Variants in NID2 observed in about 807,000 individuals in gnomAD.
The protein encoded by NID2 is nidogen 2, also known as nidogen-2.
In NID2, 83 loss-of-function variants were observed where a neutral mutation model predicts 145.4. The observed-to-expected ratio is 0.57, with a 90% CI of 0.48 to 0.69. The LOEUF (loss-of-function observed/expected upper bound fraction) is 0.69. Ranked by LOEUF, NID2 falls within the 30% of genes least tolerant of loss-of-function variation. The pLI is 0.00. For synonymous variants in NID2, 739 were observed against 701.3 expected, an observed-to-expected ratio of 1.05 and a Z score of -0.85; for missense variants, 1,807 against 1,765.7, an observed-to-expected ratio of 1.02 and a Z score of -0.42.
intron 18 of NID2, 161 bp from the exon 19 acceptor site, chr14:52,008,128 T>G (rs566619815): frequency 1.7e-6 from 1 of 591,760 alleles, no homozygotes; most frequent in Admixed American, 3.4e-5. Context: ...TTCTAGTGCA[T>G]AGAGTATAGC....
Position 52,019,288 on chromosome 14 carries a change from G to A in NID2, c.2801C>T (p.Thr934Ile). The change falls in exon 14 of 22, where the codon ACC becomes ATC. Residue 934 changes from threonine to isoleucine, a missense_variant. By Grantham distance (89) the Thr-to-Ile change is moderately conservative (BLOSUM62 -1). Transcript: ENST00000216286. ...TTGTTCACAGGGTGTCAGGCTTGAG[G>A]TGGAGTCTTCCAGGATCAAGGCAGA... ...GDGFQCIPDS[T>I]SSLTPCEQQQ... 2 of 1,584,228 alleles carry A rather than the reference G, an allele frequency of 1.3e-6. No homozygotes were observed.
At chr14:52,048,407 A>G (rs1013088574) in intron 5 of NID2, among the ~76,000 whole-genome samples, 1 of 152,164 alleles carries the variant, frequency 6.6e-6, no homozygotes, top group African/African-American at 2.4e-5. Context: ...TCAAATTTCT[A>G]TGGGAATTGC....
chr14:52,067,143 C>A (rs563493404), intron 2 of NID2, among the ~76,000 whole-genome samples: 1 of 152,282 alleles, frequency 6.6e-6, no homozygotes, highest in South Asian at 2.1e-4. Flanking sequence ...AAAAGTGATT[C>A]ACGCTATTAT....
chr14:52,049,641 A>G (rs1033310152), intron 5 of NID2, among the ~76,000 whole-genome samples: 4 of 152,144 alleles, frequency 2.6e-5, no homozygotes, highest in Non-Finnish European at 1.5e-5. Context: ...TCTCAGAATG[A>G]CAGACTAGTT....
intron 5 of NID2, among the ~76,000 whole-genome samples, chr14:52,052,410 A>T (rs893092840): frequency 2.0e-5 from 3 of 152,228 alleles, no homozygotes; most frequent in Non-Finnish European, 4.4e-5. Context: ...CAAGAACTTC[A>T]CATACGCTGT....
In NID2 at chr14:52,005,756, G is replaced by A. The variant is rs1441866096; in HGVS notation, c.4098C>T (p.Val1366=). The A allele has an allele frequency of 6.2e-7, 1 of 1,612,936 alleles. No homozygotes were observed. Among genetic ancestry groups the A allele is most frequent in the African/African-American group, 1.3e-5 (1 of 75,030 alleles). The change falls in exon 21 of 22, where the codon GTC becomes GTT. Residue 1366 remains valine, a synonymous_variant. Transcript: ENST00000216286. ...TTTTACCTGTTGGGCAGTAGGGGTA[G>A]ACTGCAGTTATCCCGTAGAGGTGAG... is the stretch of plus-strand genomic sequence containing the variant. ...QRSHLYGITA[V]YPYCPTGRK is the part of the protein sequence containing the mutation.
At position 52,060,364 on chromosome 14, in the gene NID2, GAAAAAA is replaced by G. The variant is rs71121681; in HGVS notation, c.535-14_535-9del. 2.3e-3 allele frequency: 1,687 copies of G among 742,004 alleles called. 2 individuals are homozygous for G. The highest frequency in any genetic ancestry group is 2.7e-3 in the Non-Finnish European group (1,474 of 546,292). 46.0% of individuals were successfully genotyped at this position (742,004 alleles called of 1,614,324 possible). Reference sequence around the variant, plus strand: ...TGCCTGGAAAGTGTTCAGCTGTGAGGAAAAAAAAAAAAAAAGAGAGAGAGAGAGAGA... The same window carrying G: ...TGCCTGGAAAGTGTTCAGCTGTGAGGAAAAAAAAAGAGAGAGAGAGAGAGA... On this transcript the variant is annotated splice_polypyrimidine_tract_variant and intron_variant, in intron 2 of 21. Transcript: ENST00000216286.
intron 5 of NID2, among the ~76,000 whole-genome samples, chr14:52,044,974 A>G (rs1892434310): frequency 2.0e-5 from 3 of 152,218 alleles, no homozygotes; most frequent in South Asian, 4.1e-4. Context: ...CAGTAGACTA[A>G]AGCACCTGAA....
Position 52,015,130 on chromosome 14 carries a change from G to A in NID2, c.3174C>T (p.Ser1058=), listed in dbSNP as rs762337768. 4.4e-5 allele frequency: 71 copies of A among 1,614,064 alleles called. No individual in the cohort carries two copies. Among genetic ancestry groups the A allele is most frequent in the Non-Finnish European group, 5.5e-5 (65 of 1,180,012 alleles). The change falls in exon 15 of 22, where the codon AGC becomes AGT. Residue 1058 remains serine (S), a synonymous_variant. Transcript: ENST00000216286. ...HFIPLQCHGK[S]DFCWCVDKDG... ...CTTTGTCCACACACCAGCAGAAGTC[G>A]CTCTTTCCGTGGCACTGCAGGGGGA...
rs199704028 is a variant in NID2 at position 52,054,075 on chromosome 14, G to A, written c.1014C>T (p.Gly338=). 6.2e-7 allele frequency: 1 copy of A among 1,614,178 alleles called. No individual in the cohort carries two copies. Residue 338 remains glycine (G), a synonymous_variant, in exon 4 of 22, where the codon GGC becomes GGT. Coordinates refer to ENST00000216286, the MANE Select transcript of NID2 (RefSeq NM_007361.4). The part of the protein sequence containing the change: ...LPGEPEEALN[G]HSSIDVSFQS... Reference sequence around the variant, plus strand: ...GGAAGGAAACATCAATGCTGCTGTGGCCATTCAATGCCTCCTCTGGTTCAC... The same window carrying A: ...GGAAGGAAACATCAATGCTGCTGTGACCATTCAATGCCTCCTCTGGTTCAC...
intron 9 of NID2, among the ~76,000 whole-genome samples, chr14:52,030,596 AAGAAAGAAAGAG>A (rs1377779623): frequency 1.2e-5 from 1 of 84,760 alleles, no homozygotes; most frequent in African/African-American, 3.8e-5. Flanking sequence ...GAAAGAAAGA[AAGAAAGAAAGAG>A]AAAGAAAAAG....
In NID2 at chr14:52,028,759, A is replaced by T. The variant is rs755084975; in HGVS notation, c.2493T>A (p.Ser831Arg). 1.9e-6 allele frequency: 3 copies of T among 1,613,440 alleles called. No individual in the cohort carries two copies. In the African/African-American group the frequency reaches 4.0e-5, roughly 22 times the overall value. The change falls in exon 11 of 22, where the codon AGT (serine) becomes AGA (arginine). Residue 831 changes from serine (S) to arginine (R), a missense_variant. Transcript: ENST00000216286. The part of the protein sequence containing the change: ...LPGSYRCECR[S>R]GYEFADDRHT... ...GCCGGTCATCTGCAAACTCATAACC[A>T]CTCCGGCACTCACACCTGTAGCTTC...
chr14:52,027,763 C>T (rs1166433118), intron 11 of NID2, among the ~76,000 whole-genome samples: 1 of 145,638 alleles, frequency 6.9e-6, no homozygotes, highest in East Asian at 2.0e-4. Context: ...CTCACTCTGT[C>T]GCCAGGCTGG....
At position 52,028,715 on chromosome 14, in the gene NID2, A is replaced by T. The variant is rs773511741; in HGVS notation, c.2530+7T>A. 6.2e-7 allele frequency: 1 copy of T among 1,609,322 alleles called. No homozygotes were observed. The highest frequency in any genetic ancestry group is 1.1e-5 in the South Asian group (1 of 89,628). ...TGGCCACACAGGAAAATGATTTTGG[A>T]ACTCACAGATGCAAGTATGCCGGTC... On this transcript the variant is annotated splice_region_variant and intron_variant, in intron 11 of 21. Transcript: ENST00000216286.
chr14:52,022,408 T>A (rs1435246058), intron 12 of NID2, among the ~76,000 whole-genome samples: 3 of 152,144 alleles, frequency 2.0e-5, no homozygotes, highest in Non-Finnish European at 4.4e-5. Context: ...GGAGGGCCTC[T>A]CACACCATGA....
chr14:52,062,766 G>A (rs1441894822), intron 2 of NID2, among the ~76,000 whole-genome samples: 1 of 152,106 alleles, frequency 6.6e-6, no homozygotes, highest in Non-Finnish European at 1.5e-5. Context: ...GCTGTGAAGA[G>A]GAGAGTCTGA....
At chr14:52,058,583 T>G (rs1200049257) in intron 3 of NID2, among the ~76,000 whole-genome samples, 1 of 152,142 alleles carries the variant, frequency 6.6e-6, no homozygotes, top group Non-Finnish European at 1.5e-5. Context: ...GTGTCACACG[T>G]GATTGTGGAT....
chr14:52,015,427 G>C (rs1891185290), intron 14 of NID2, 152 bp from the exon 15 acceptor site: 1 of 647,652 alleles, frequency 1.5e-6, no homozygotes, highest in South Asian at 2.0e-5. Flanking sequence ...CCAAACTTGG[G>C]AAGCAAATGT....
At chr14:52,048,501 C>T (rs1892582773) in intron 5 of NID2, among the ~76,000 whole-genome samples, 1 of 152,020 alleles carries the variant, frequency 6.6e-6, no homozygotes, top group African/African-American at 2.4e-5. Flanking sequence ...AATAAACCCA[C>T]CCGAGGAAAA....
Sources: gnomAD v4.1 joint callset for allele counts (sites outside exome capture counted in the v4.1 genomes callset) on GRCh38, gnomAD v4.1.1 for gene constraint, MANE v1.5 for transcripts, NCBI Gene and HGNC (gene_info 2026-07-23, HGNC 2026-07-21) for gene names.